MTREX: variants seen among roughly 807,000 people sequenced by gnomAD.
MTREX encodes exosome RNA helicase MTR4.
In MTREX, 76 loss-of-function variants were observed where a neutral mutation model predicts 135.4. That is an observed-to-expected ratio of 0.56 (90% CI 0.47 to 0.68). The LOEUF is 0.68. MTREX is among the 30% of genes least tolerant of loss of function. The pLI, the probability that MTREX is intolerant of heterozygous loss-of-function variation, is 0.00. For synonymous variants in MTREX, 404 were observed against 401.6 expected, an observed-to-expected ratio of 1.01 and a Z score of -0.07; for missense variants, 920 against 1,262.1, an observed-to-expected ratio of 0.73 and a Z score of 4.11.
intron 21 of MTREX, among the ~76,000 whole-genome samples, chr5:55,401,125 C>G (rs915087844): frequency 1.3e-5 from 2 of 152,198 alleles, no homozygotes; most frequent in African/African-American, 4.8e-5. Flanking sequence ...ACCTCTGCCT[C>G]CCGGGTTCAA....
In MTREX at chr5:55,378,313, G is replaced by C; in HGVS notation, c.1811-1G>C. 1 of 1,587,712 alleles carries C rather than the reference G, an allele frequency of 6.3e-7. No homozygotes were observed. Among genetic ancestry groups the C allele is most frequent in the South Asian group, 1.2e-5 (1 of 85,064 alleles). ...ATTTTGTACATGTGTTCTATTTACA[G>C]AGGTAAAGAATTCAGAAGAACAGTA... On this transcript the variant is annotated splice_acceptor_variant, in intron 16 of 26. Coordinates refer to ENST00000230640, the MANE Select transcript of MTREX (RefSeq NM_015360.5). LOFTEE classifies it high-confidence loss of function.
At chr5:55,395,556 C>T (rs1384212734) in intron 19 of MTREX, among the ~76,000 whole-genome samples, 1 of 152,126 alleles carries the variant, frequency 6.6e-6, no homozygotes, top group Non-Finnish European at 1.5e-5. Flanking sequence ...TACAAAGTCT[C>T]TAAAGGCTCT....
At chr5:55,354,334 G>T (rs1749875666) in intron 14 of MTREX, among the ~76,000 whole-genome samples, 2 of 152,196 alleles carry the variant, frequency 1.3e-5, no homozygotes, top group African/African-American at 4.8e-5. Context: ...ATGAGAATTT[G>T]CTAAGCAGAC....
chr5:55,309,603 C>A (rs73120293), intron 1 of MTREX, among the ~76,000 whole-genome samples: 3,420 of 152,128 alleles, frequency 0.022, 135 homozygotes, highest in African/African-American at 0.079. Context: ...AAAACAGGGA[C>A]GTTCAGAGGT....
intron 18 of MTREX, among the ~76,000 whole-genome samples, chr5:55,383,674 C>T (rs1184635380): frequency 6.6e-6 from 1 of 152,080 alleles, no homozygotes; most frequent in Non-Finnish European, 1.5e-5. Context: ...AACTTCTTTG[C>T]CTTTATCCTA....
chr5:55,365,379 C>T (rs1056332832), intron 15 of MTREX, among the ~76,000 whole-genome samples: 5 of 152,108 alleles, frequency 3.3e-5, no homozygotes, highest in African/African-American at 4.8e-5. Flanking sequence ...TCCTAAAGTA[C>T]GTGGCTCTTG....
At chr5:55,352,315 G>C (rs1291588835) in intron 13 of MTREX, among the ~76,000 whole-genome samples, 1 of 152,064 alleles carries the variant, frequency 6.6e-6, no homozygotes, top group Admixed American at 6.6e-5. Context: ...CTTAGATAAT[G>C]AATTTTATAC....
chr5:55,396,781 A>G (rs1750653251), intron 19 of MTREX, among the ~76,000 whole-genome samples: 1 of 152,212 alleles, frequency 6.6e-6, no homozygotes, highest in Admixed American at 6.5e-5. Context: ...GATCAGTGTA[A>G]AAGTAGCCAT....
chr5:55,369,482 G>A (rs1445446635), intron 16 of MTREX, among the ~76,000 whole-genome samples: 1 of 152,148 alleles, frequency 6.6e-6, no homozygotes, highest in Non-Finnish European at 1.5e-5. Flanking sequence ...ATTCTGATAA[G>A]CAGTAAATTA....
At chr5:55,420,134 C>G (rs1751030439) in intron 25 of MTREX, among the ~76,000 whole-genome samples, 1 of 145,624 alleles carries the variant, frequency 6.9e-6, no homozygotes, top group South Asian at 2.1e-4. Flanking sequence ...TCTCTGCTCT[C>G]AAGAAAGGGT....
At chr5:55,365,217 C>T (rs977828220) in intron 15 of MTREX, among the ~76,000 whole-genome samples, 70 of 152,200 alleles carry the variant, frequency 4.6e-4, no homozygotes, top group African/African-American at 1.5e-3. Context: ...AGTCTGCAAA[C>T]AATGTGTTTG....
intron 3 of MTREX, chr5:55,324,425 T>A (rs1749338387): frequency 3.0e-4 from 1 of 3,358 alleles, no homozygotes; most frequent in Non-Finnish European, 5.6e-4. Context: ...TTATTTTAAC[T>A]TTTTTTTTTT....
chr5:55,386,135 T>C (rs112492222), intron 18 of MTREX, among the ~76,000 whole-genome samples: 67 of 152,270 alleles, frequency 4.4e-4, no homozygotes, highest in African/African-American at 1.5e-3. Context: ...CGAAGAAAAC[T>C]GTTAGAAGCA....
At chr5:55,309,623 G>A (rs1363024644) in intron 1 of MTREX, among the ~76,000 whole-genome samples, 1 of 152,202 alleles carries the variant, frequency 6.6e-6, no homozygotes, top group African/African-American at 2.4e-5. Context: ...TTTTGATATA[G>A]TGATAACATT....
At chr5:55,417,794 G>C (rs571050083) in intron 25 of MTREX, among the ~76,000 whole-genome samples, 1 of 152,166 alleles carries the variant, frequency 6.6e-6, no homozygotes, top group Non-Finnish European at 1.5e-5. Context: ...CTAATAATAA[G>C]ACTTGATAAT....
At chr5:55,382,299 A>G (rs1460919058) in intron 18 of MTREX, among the ~76,000 whole-genome samples, 2 of 152,016 alleles carry the variant, frequency 1.3e-5, no homozygotes, top group African/African-American at 4.8e-5. Context: ...TAAAGATTTC[A>G]TATATATACA....
chr5:55,367,018 C>T (rs993551218), intron 16 of MTREX, 143 bp downstream of exon 16: 18 of 571,222 alleles, frequency 3.2e-5, no homozygotes, highest in Non-Finnish European at 5.1e-5. Context: ...GTAGTCTGGT[C>T]ATTGTAACTG....
intron 21 of MTREX, among the ~76,000 whole-genome samples, chr5:55,403,045 T>A (rs1750749266): frequency 6.6e-6 from 1 of 151,662 alleles, no homozygotes; most frequent in Non-Finnish European, 1.5e-5. Flanking sequence ...CAAAAAAATT[T>A]TAAAAATTAG....
chr5:55,341,798 A>T, intron 7 of MTREX, 27 bp downstream of exon 7: 1 of 1,090,870 alleles, frequency 9.2e-7, no homozygotes, highest in South Asian at 1.5e-5. Flanking sequence ...AATGTATATC[A>T]TGTATTTCCC....
Sources: allele counts gnomAD v4.1 joint callset (sites outside exome capture counted in the v4.1 genomes callset), GRCh38; gene constraint gnomAD v4.1.1; transcripts MANE v1.5; gene names NCBI Gene and HGNC (gene_info 2026-07-23, HGNC 2026-07-21).